Variants in DNAJC17 observed in about 807,000 individuals in gnomAD.
The protein encoded by DNAJC17 is dnaJ homolog subfamily C member 17.
A neutral mutation model predicts 48.1 loss-of-function variants in DNAJC17; 35 were observed. The ratio of observed to expected loss-of-function variants is 0.73; its 90% confidence interval spans 0.56 to 0.96. The LOEUF is 0.96. Ranked by LOEUF, DNAJC17 falls within the 50% of genes least tolerant of loss-of-function variation. The probability of loss-of-function intolerance (pLI) is 0.00; values close to 1 mark genes in which losing one functional copy is unlikely to be tolerated. For synonymous variants in DNAJC17, 117 were observed against 142.7 expected, an observed-to-expected ratio of 0.82 and a Z score of 1.28; for missense variants, 355 against 377.1, an observed-to-expected ratio of 0.94 and a Z score of 0.48.
In DNAJC17 at chr15:40,767,807, TG is replaced by T; in HGVS notation, c.*132del. ...CACTTCCTGGGAGGGGCGCCAGGCC[TG>T]GGTGGAGCGCTCTGCGGCAGAGCCC... On this transcript the variant is annotated 3_prime_UTR_variant, in exon 11 of 11. Coordinates refer to ENST00000220496, the MANE Select transcript of DNAJC17 (RefSeq NM_018163.3). The T allele has an allele frequency of 2.2e-6, 3 of 1,352,566 alleles. No individual in the cohort carries two copies. The highest frequency in any genetic ancestry group is 1.5e-5 in the South Asian group (1 of 67,922). 83.8% of individuals were successfully genotyped at this position (1,352,566 alleles called of 1,614,324 possible). A position where few individuals can be genotyped will look rare whatever the true frequency, so the allele number is the denominator to read the frequency against.
intron 1 of DNAJC17, among the ~76,000 whole-genome samples, chr15:40,804,150 G>T (rs1403581424): frequency 2.6e-5 from 4 of 151,244 alleles, no homozygotes; most frequent in African/African-American, 7.3e-5. Flanking sequence ...TATATATAGA[G>T]AGAGAGACAG....
chr15:40,774,821 A>G, intron 8 of DNAJC17: 1 of 620,186 alleles, frequency 1.6e-6, no homozygotes, highest in Non-Finnish European at 2.8e-6. Flanking sequence ...AGCAAAGGAC[A>G]GCGGGCTGGA....
chr15:40,805,159 C>T (rs1187255354), intron 1 of DNAJC17, among the ~76,000 whole-genome samples: 2 of 151,824 alleles, frequency 1.3e-5, no homozygotes, highest in East Asian at 1.9e-4. Flanking sequence ...GGGAAGATCA[C>T]GAGGTCAGGA....
In DNAJC17 at chr15:40,773,816, C is replaced by T; in HGVS notation, c.703G>A (p.Val235Ile). Residue 235 changes from valine (V) to isoleucine (I), a missense_variant, in exon 10 of 11, where the codon GTT becomes ATT. By Grantham distance (29) the Val-to-Ile change is conservative. Coordinates refer to ENST00000220496, the MANE Select transcript of DNAJC17 (RefSeq NM_018163.3). ...TTCAGAGGGTTATCCACCAGGCCAA[C>T]TTCATTCTGGACAGCCAGCTCCTGC... ...KAAELAVQNEVGLVDNPLKIS... is the reference protein window; with the variant it reads ...KAAELAVQNEIGLVDNPLKIS... 6.2e-7 allele frequency: 1 copy of T among 1,614,052 alleles called. No homozygotes were observed. The highest frequency in any genetic ancestry group is 8.5e-7 in the Non-Finnish European group (1 of 1,179,946).
intron 9 of DNAJC17, chr15:40,774,141 C>T (rs1483941217): frequency 1.6e-5 from 10 of 618,106 alleles, no homozygotes; most frequent in Middle Eastern, 3.8e-4. Flanking sequence ...CAAGTCTGTG[C>T]TCTCCTTTCT....
chr15:40,772,664 C>T (rs1219956759), intron 10 of DNAJC17, among the ~76,000 whole-genome samples: 1 of 152,228 alleles, frequency 6.6e-6, no homozygotes, highest in Non-Finnish European at 1.5e-5. Context: ...AGAGCAGCCT[C>T]CTGCCAGCCT....
chr15:40,778,589 C>T (rs1254962991), intron 4 of DNAJC17, among the ~76,000 whole-genome samples: 2 of 152,030 alleles, frequency 1.3e-5, no homozygotes, highest in East Asian at 3.9e-4. Context: ...AAGTTTAAAT[C>T]CCACCTCCAG....
chr15:40,803,622 C>G (rs1309848773), intron 1 of DNAJC17, among the ~76,000 whole-genome samples: 3 of 152,184 alleles, frequency 2.0e-5, no homozygotes, highest in Non-Finnish European at 4.4e-5. Context: ...TTCTTCAAGG[C>G]CCCAAATACC....
Position 40,767,027 on chromosome 15 carries a change from G to T in DNAJC17, c.*913C>A. 2.3e-6 allele frequency: 1 copy of T among 440,518 alleles called. No individual in the cohort carries two copies. The highest frequency in any genetic ancestry group is 3.9e-6 in the Non-Finnish European group (1 of 254,046). 27.3% of individuals were successfully genotyped at this position (440,518 alleles called of 1,614,324 possible). On this transcript the variant is annotated 3_prime_UTR_variant, in exon 11 of 11. Transcript: ENST00000220496. ...ACAGTGGCACCTTCACTAGCTTGTT[G>T]GGAAGAATAAATGAGATAGCTCGTG...
intron 1 of DNAJC17, among the ~76,000 whole-genome samples, chr15:40,794,627 G>C (rs546458484): frequency 7.5e-4 from 114 of 152,280 alleles, no homozygotes; most frequent in Admixed American, 1.4e-3. Context: ...AGCTATGATT[G>C]CACCACTGTA....
At chr15:40,797,677 G>T (rs1889972183) in intron 1 of DNAJC17, among the ~76,000 whole-genome samples, 1 of 148,712 alleles carries the variant, frequency 6.7e-6, no homozygotes, top group Admixed American at 6.7e-5. Context: ...CTCCCAAAGT[G>T]CTGGGATTAC....
intron 10 of DNAJC17, 31 bp from the exon 11 acceptor site, chr15:40,768,093 C>G (rs1259559581): frequency 6.6e-7 from 1 of 1,511,418 alleles, no homozygotes; most frequent in African/African-American, 1.4e-5. Context: ...AGGGAGGGGT[C>G]AGGGACAGCA....
In DNAJC17 at chr15:40,773,378, G is replaced by T. The variant is rs574297510; in HGVS notation, c.792+349C>A. Among the ~76,000 whole-genome samples the T allele has an allele frequency of 2.6e-5, 4 of 152,244 alleles. No individual in the cohort carries two copies. In the South Asian group the frequency reaches 8.3e-4, roughly 32 times the overall value. On this transcript the variant is annotated intron_variant, in intron 10 of 10. Transcript: ENST00000220496. ...AAGGAAGTGGCTGTCCTAGTCACCTGCCCCTTCTCTGCAGCACTGGGTCGT... is the reference window on the plus strand; with the variant it reads ...AAGGAAGTGGCTGTCCTAGTCACCTTCCCCTTCTCTGCAGCACTGGGTCGT...
chr15:40,793,708 T>C (rs1889871648), intron 1 of DNAJC17, among the ~76,000 whole-genome samples: 1 of 151,926 alleles, frequency 6.6e-6, no homozygotes, highest in South Asian at 2.1e-4. Context: ...GGACTCACAA[T>C]GAAAACAGCA....
chr15:40,780,732 T>C (rs1258980739), intron 1 of DNAJC17, among the ~76,000 whole-genome samples: 1 of 151,976 alleles, frequency 6.6e-6, no homozygotes, highest in African/African-American at 2.4e-5. Flanking sequence ...GAGAATCGCT[T>C]GAACCGAGGA....
In DNAJC17 at chr15:40,767,944, G is replaced by A. The variant is rs768838891; in HGVS notation, c.911C>T (p.Thr304Met). The A allele has an allele frequency of 2.5e-6, 4 of 1,612,842 alleles. No homozygotes were observed. The highest frequency in any genetic ancestry group is 3.4e-6 in the Non-Finnish European group (4 of 1,179,686). The change falls in exon 11 of 11, where the codon ACG (threonine) becomes ATG (methionine). Residue 304 changes from threonine (T) to methionine (M), a missense_variant. Thr to Met is a moderately conservative substitution (Grantham distance 81). Coordinates refer to ENST00000220496, the MANE Select transcript of DNAJC17 (RefSeq NM_018163.3). Reference protein sequence around the residue: ...MQQEDQEGPPT With the variant: ...MQQEDQEGPPM ...GGTGGATGGCTGGAGCTGGGGCTAC[G>A]TAGGCGGCCCCTCCTGGTCTTCCTG...
chr15:40,770,635 G>A lies in DNAJC17; in HGVS notation c.793-2573C>T. 6.4e-7 allele frequency: 1 copy of A among 1,550,430 alleles called. No individual in the cohort carries two copies. Among genetic ancestry groups the A allele is most frequent in the Non-Finnish European group, 8.7e-7 (1 of 1,146,976 alleles). On this transcript the variant is annotated intron_variant, in intron 10 of 10. Coordinates refer to ENST00000220496, the MANE Select transcript of DNAJC17 (RefSeq NM_018163.3). The surrounding 1 kb of genome is among the most constrained non-coding windows in gnomAD (Gnocchi z 5.0). ...GCAGGTGGGGACCACGAGGAGTACA[G>A]CAACCGAGAAGTCATCCGGGAGCTA...
At chr15:40,791,066 G>A (rs529376581) in intron 1 of DNAJC17, among the ~76,000 whole-genome samples, 4 of 152,164 alleles carry the variant, frequency 2.6e-5, no homozygotes, top group African/African-American at 7.2e-5. Flanking sequence ...GGCCGGGTGC[G>A]GTGACTCATG....
At position 40,774,895 on chromosome 15, in the gene DNAJC17, C is replaced by T. The variant is rs991442226; in HGVS notation, c.600+136G>A. 121 of 878,366 alleles carry T rather than the reference C, an allele frequency of 1.4e-4. 1 individual carries two copies. In the African/African-American group the frequency reaches 2.0e-3, roughly 15 times the overall value. 54.4% of individuals were successfully genotyped at this position (878,366 alleles called of 1,614,324 possible). On this transcript the variant is annotated intron_variant, in intron 8 of 10. Coordinates refer to ENST00000220496, the MANE Select transcript of DNAJC17 (RefSeq NM_018163.3). ...GCCTGGGGAGAAGTCTCTAAGACGT[C>T]CCATGGTCTATGAGACAGAAAAAAA...
Sources: gnomAD v4.1 joint callset for allele counts (sites outside exome capture counted in the v4.1 genomes callset) on GRCh38, gnomAD v4.1.1 for gene constraint, Gnocchi (gnomAD v3.1) non-coding constraint, MANE v1.5 for transcripts, NCBI Gene and HGNC (gene_info 2026-07-23, HGNC 2026-07-21) for gene names.